The following NTM variants were observed in gnomAD, a reference collection of about 807,000 sequenced individuals.
NTM encodes IgLON family member 2.
NTM carries 13 observed loss-of-function variants against 42.1 expected under a neutral mutation model. The ratio of observed to expected loss-of-function variants is 0.31; its 90% confidence interval spans 0.20 to 0.49. The LOEUF is 0.49. Among genes scored for constraint, NTM ranks in the 20% least tolerant of loss-of-function variants. The pLI, the probability that NTM is intolerant of heterozygous loss-of-function variation, is 0.99. For missense variants in NTM, 373 were observed against 452.8 expected, an observed-to-expected ratio of 0.82 and a Z score of 1.60; for synonymous variants, 187 against 179.2, an observed-to-expected ratio of 1.04 and a Z score of -0.35.
chr11:131,747,396 T>C (rs188932833), intron 1 of NTM, among the ~76,000 whole-genome samples: 1 of 152,266 alleles, frequency 6.6e-6, no homozygotes, highest in East Asian at 1.9e-4. Flanking sequence ...TGCCTTTGGG[T>C]TGTGTCTCCT....
chr11:131,858,698 T>A (rs1039513882), intron 1 of NTM, among the ~76,000 whole-genome samples: 3 of 152,308 alleles, frequency 2.0e-5, no homozygotes, highest in East Asian at 1.9e-4. Context: ...CTGCAGCACG[T>A]TGAGCCGCAG....
At chr11:131,938,477 T>A (rs1419137327) in intron 2 of NTM, among the ~76,000 whole-genome samples, 1 of 152,170 alleles carries the variant, frequency 6.6e-6, no homozygotes. Flanking sequence ...CAAGATGAGG[T>A]CACGGAGGTG....
chr11:132,040,673 C>T (rs1190749522), intron 2 of NTM, among the ~76,000 whole-genome samples: 2 of 152,200 alleles, frequency 1.3e-5, no homozygotes, highest in Non-Finnish European at 2.9e-5. Context: ...GTGGACAGGA[C>T]AGTCTATTAT....
intron 1 of NTM, among the ~76,000 whole-genome samples, chr11:131,598,743 CT>C (rs1325440870): frequency 0.039 from 3,137 of 81,452 alleles, 173 homozygotes; most frequent in African/African-American, 0.066. Context: ...TTCTTTCTTT[CT>C]TTCTTTCTTT....
At chr11:132,266,642 T>A (rs2093199447) in intron 4 of NTM, among the ~76,000 whole-genome samples, 1 of 152,214 alleles carries the variant, frequency 6.6e-6, no homozygotes, top group African/African-American at 2.4e-5. Context: ...AATGAGGTTT[T>A]ATTGCTGTTT....
chr11:131,658,967 A>T (rs2067589992), intron 1 of NTM, among the ~76,000 whole-genome samples: 1 of 152,154 alleles, frequency 6.6e-6, no homozygotes, highest in Admixed American at 6.5e-5. Context: ...GCGAGACTCC[A>T]AAAAGAAAAA....
chr11:131,913,526 T>A (rs641418), intron 2 of NTM, among the ~76,000 whole-genome samples: 129,953 of 152,216 alleles, frequency 0.85, 55,708 homozygotes, highest in East Asian at 1. Flanking sequence ...ACAGGCCTGA[T>A]TTAGGAGGAG....
chr11:131,875,661 T>C (rs2048429267), intron 1 of NTM, among the ~76,000 whole-genome samples: 2 of 152,230 alleles, frequency 1.3e-5, no homozygotes, highest in African/African-American at 4.8e-5. Flanking sequence ...CAACAGTTTC[T>C]GTACACAGCC....
chr11:132,138,493 C>G (rs891631534), intron 2 of NTM, among the ~76,000 whole-genome samples: 1 of 152,138 alleles, frequency 6.6e-6, no homozygotes, highest in Non-Finnish European at 1.5e-5. Flanking sequence ...TCCGGTGCAC[C>G]TAATGAATGT....
At chr11:131,742,788 AG>A (rs2081348811) in intron 1 of NTM, among the ~76,000 whole-genome samples, 1 of 152,238 alleles carries the variant, frequency 6.6e-6, no homozygotes, top group African/African-American at 2.4e-5. Context: ...GCATTTAAGA[AG>A]AAAAGAATCT....
At chr11:131,611,115 A>G (rs1319815238) in intron 1 of NTM, among the ~76,000 whole-genome samples, 1 of 152,120 alleles carries the variant, frequency 6.6e-6, no homozygotes, top group Admixed American at 6.5e-5. Context: ...GAGTGTAGGA[A>G]GAGGCATCGG....
intron 1 of NTM, among the ~76,000 whole-genome samples, chr11:131,694,824 T>A (rs1229906475): frequency 6.6e-6 from 1 of 152,156 alleles, no homozygotes. Flanking sequence ...CACTCAGGAT[T>A]GGGTGGGGCG....
intron 1 of NTM, among the ~76,000 whole-genome samples, chr11:131,483,909 G>T (rs1038441813): frequency 2.0e-5 from 3 of 152,360 alleles, no homozygotes; most frequent in Middle Eastern, 6.8e-3. Flanking sequence ...CCACGAACCT[G>T]CAAGAGAATT....
chr11:132,311,884 G>A (rs1173989587), intron 6 of NTM, among the ~76,000 whole-genome samples: 1 of 152,200 alleles, frequency 6.6e-6, no homozygotes, highest in Non-Finnish European at 1.5e-5. Context: ...AGGGACAGCT[G>A]TCCCTGCCAC....
intron 2 of NTM, among the ~76,000 whole-genome samples, chr11:131,987,580 G>A (rs2066286337): frequency 6.6e-6 from 1 of 152,178 alleles, no homozygotes; most frequent in Non-Finnish European, 1.5e-5. Flanking sequence ...TGAAGATTTA[G>A]ACCACAAAGT....
chr11:131,853,837 A>G (rs1424579852), intron 1 of NTM, among the ~76,000 whole-genome samples: 3 of 152,202 alleles, frequency 2.0e-5, no homozygotes, highest in African/African-American at 4.8e-5. Flanking sequence ...CACAATGGCT[A>G]TACTACTCTA....
At chr11:132,267,464 T>A (rs940911663) in intron 4 of NTM, among the ~76,000 whole-genome samples, 2 of 135,388 alleles carry the variant, frequency 1.5e-5, no homozygotes, top group African/African-American at 5.7e-5. Context: ...AGCCCTTATC[T>A]TGGGTTCTTG....
chr11:131,658,524 T>G (rs2067505591), intron 1 of NTM, among the ~76,000 whole-genome samples: 1 of 152,124 alleles, frequency 6.6e-6, no homozygotes, highest in African/African-American at 2.4e-5. Flanking sequence ...TCTCTCTTAT[T>G]CAAGAGTAAT....
intron 1 of NTM, among the ~76,000 whole-genome samples, chr11:131,575,994 T>G (rs1000358723): frequency 1.3e-5 from 2 of 152,220 alleles, no homozygotes; most frequent in Admixed American, 6.5e-5. Context: ...TATTCAGGAC[T>G]GTTATCTTCC....
Sources: gnomAD v4.1 joint callset for allele counts (sites outside exome capture counted in the v4.1 genomes callset) on GRCh38, gnomAD v4.1.1 for gene constraint, MANE v1.5 for transcripts, NCBI Gene and HGNC (gene_info 2026-07-23, HGNC 2026-07-21) for gene names.